The following BROX variants were observed in gnomAD, a reference collection of about 807,000 sequenced individuals.
BROX encodes BRO1 domain-containing protein BROX.
In BROX, 53 loss-of-function variants were observed where a neutral mutation model predicts 61.0. The ratio of observed to expected loss-of-function variants is 0.87; its 90% CI spans 0.70 to 1.09. The LOEUF (loss-of-function observed/expected upper bound fraction) is 1.09. BROX is among the 50% of genes least tolerant of loss of function. The pLI, the probability that BROX is intolerant of heterozygous loss-of-function variation, is 0.00. For synonymous variants in BROX, 152 were observed against 160.2 expected (o/e 0.95, Z 0.38); for missense variants, 489 against 472.0 (o/e 1.04, Z -0.33).
chr1:222,717,332 C>G (rs1402523225), intron 2 of BROX, among the ~76,000 whole-genome samples: 2 of 152,160 alleles, frequency 1.3e-5, no homozygotes. Flanking sequence ...TTTATCTATA[C>G]CATTGGGCAA....
intron 8 of BROX, among the ~76,000 whole-genome samples, chr1:222,727,756 T>G (rs878909209): frequency 6.6e-6 from 1 of 152,170 alleles, no homozygotes; most frequent in African/African-American, 2.4e-5. Context: ...AAGACAAACA[T>G]GTAACCCCGT....
intron 4 of BROX, among the ~76,000 whole-genome samples, chr1:222,720,116 C>G (rs1197162702): frequency 1.3e-5 from 2 of 152,176 alleles, no homozygotes; most frequent in African/African-American, 4.8e-5. Flanking sequence ...TATTTAGATG[C>G]AAGTCCAGGT....
rs199661132 is a variant in BROX, at chr1:222,721,373, CTTT to C, written c.306-1032_306-1030del. On this transcript the variant is annotated intron_variant, in intron 4 of 12. Transcript: ENST00000340934. The stretch of plus-strand genomic sequence containing the variant: ...TTTAATTACTACATATTTTATAACA[CTTT>C]TTTTTTTTTTTTTCATTTAAAAAGT... 2.3e-5 allele frequency among the ~76,000 whole-genome samples: 3 copies of C among 131,554 alleles called. No individual in the cohort carries two copies. The East Asian group carries it at 6.5e-4, about 28-fold the overall frequency. 86.3% of individuals were successfully genotyped at this position (131,554 alleles called of 152,430 possible).
At chr1:222,712,978 A>G in intron 1 of BROX, 36 bp downstream of exon 1, 1 of 1,174,644 alleles carries the variant, frequency 8.5e-7, no homozygotes, top group Non-Finnish European at 1.1e-6. Context: ...TCTCAGTAAT[A>G]TCCCCCGCTA....
chr1:222,730,200 T>C, intron 11 of BROX, 23 bp downstream of exon 11: 1 of 1,369,172 alleles, frequency 7.3e-7, no homozygotes, highest in Non-Finnish European at 1.0e-6. Flanking sequence ...TAATATTACT[T>C]TAGTAATAAT....
chr1:222,719,029 A>G lies in BROX; in HGVS notation c.206A>G (p.Gln69Arg), dbSNP rs1318349302. The change falls in exon 3 of 13, where the codon CAA (glutamine) becomes CGA (arginine). Residue 69 changes from glutamine to arginine, a missense_variant and splice_region_variant. Physicochemically the swap from Gln to Arg is conservative, Grantham distance 43. Transcript: ENST00000340934. Reference protein sequence around the residue: ...NAADSYFSLLQGFINSLDEST... With the variant: ...NAADSYFSLLRGFINSLDEST... ...GCAGATTCATATTTCTCACTTTTAC[A>G]AGGTTAGTTATTTATATGAACTTGA... 1 of 1,607,096 alleles carries G rather than the reference A, an allele frequency of 6.2e-7. No homozygotes were observed. The highest frequency in any genetic ancestry group is 1.1e-5 in the South Asian group (1 of 89,986).
chr1:222,731,724 A>G (rs1463534476), intron 12 of BROX, among the ~76,000 whole-genome samples: 1 of 152,234 alleles, frequency 6.6e-6, no homozygotes, highest in Non-Finnish European at 1.5e-5. Context: ...TTTCTACATA[A>G]TGACATTCTT....
At position 222,722,459 on chromosome 1, in the gene BROX, T is replaced by C; in HGVS notation, c.346T>C (p.Phe116Leu). The C allele has an allele frequency of 6.2e-7, 1 of 1,613,746 alleles. No homozygotes were observed. Among genetic ancestry groups the C allele is most frequent in the Non-Finnish European group, 8.5e-7 (1 of 1,179,760 alleles). The change falls in exon 5 of 13, where the codon TTT (phenylalanine) becomes CTT (leucine). Residue 116 changes from phenylalanine to leucine, a missense_variant. Physicochemically the swap from Phe to Leu is conservative, Grantham distance 22. Transcript: ENST00000340934. Reference sequence around the variant, plus strand: ...TGTTTTTGAATTAATTTCCATGGGATTTAATGTAGCTTTATGGTATACCAA... The same window carrying C: ...TGTTTTTGAATTAATTTCCATGGGACTTAATGTAGCTTTATGGTATACCAA... ...DAVFELISMG[F>L]NVALWYTKYA...
intron 2 of BROX, 112 bp from the exon 3 acceptor site, chr1:222,718,813 G>T: frequency 1.3e-6 from 1 of 773,908 alleles, no homozygotes; most frequent in South Asian, 1.5e-5. Context: ...AACCTGGTGC[G>T]TGTGTGTATG....
At chr1:222,721,165 A>G (rs1213417063) in intron 4 of BROX, among the ~76,000 whole-genome samples, 1 of 152,186 alleles carries the variant, frequency 6.6e-6, no homozygotes, top group Non-Finnish European at 1.5e-5. Context: ...AAAAGTTATA[A>G]ATTAGACATG....
intron 2 of BROX, 104 bp from the exon 3 acceptor site, chr1:222,718,819 GTA>G (rs1026309898): frequency 1.2e-6 from 1 of 829,288 alleles, no homozygotes. Flanking sequence ...GTGCGTGTGT[GTA>G]TGTGTGTGTG....
At chr1:222,713,489 G>T in intron 1 of BROX, 15 of 957,688 alleles carry the variant, frequency 1.6e-5, no homozygotes, top group Non-Finnish European at 1.9e-5. Flanking sequence ...TCTTGTGGAA[G>T]TGTGTTAGCT....
In BROX at chr1:222,718,866, T is replaced by A. The variant is rs911702344; in HGVS notation, c.102-59T>A. 9 of 1,398,416 alleles carry A rather than the reference T, an allele frequency of 6.4e-6. No homozygotes were observed. The African/African-American group carries it at 1.3e-4, about 20-fold the overall frequency. 86.6% of individuals were successfully genotyped at this position (1,398,416 alleles called of 1,614,324 possible). A position where few individuals can be genotyped will look rare whatever the true frequency, so the allele number is the denominator to read the frequency against. ...TTTTACATTGAAACCTGGAAGCCAC[T>A]TTTATGTAGATTGATTGCAGTACAG... is the stretch of plus-strand genomic sequence containing the variant. On this transcript the variant is annotated intron_variant, in intron 2 of 12. Transcript: ENST00000340934.
chr1:222,719,334 G>A lies in BROX; in HGVS notation c.280G>A (p.Asp94Asn). ...ATATATTCAAAATTTCAAGTGGACT[G>A]ATACATTGCAAGGACAGGTTCCAAG... ...LRYIQNFKWT[D>N]TLQGQVPSAQ... Residue 94 changes from aspartate (D) to asparagine (N), a missense_variant, in exon 4 of 13, where the codon GAT becomes AAT. Physicochemically the swap from Asp to Asn is conservative, Grantham distance 23. Coordinates refer to ENST00000340934, the MANE Select transcript of BROX (RefSeq NM_144695.4). 1 of 1,609,508 alleles carries A rather than the reference G, an allele frequency of 6.2e-7. No individual in the cohort carries two copies. The highest frequency in any genetic ancestry group is 1.1e-5 in the South Asian group (1 of 90,924).
rs767861756 is a variant in BROX, at chr1:222,719,341, T to G, written c.287T>G (p.Leu96Trp). 6.2e-7 allele frequency: 1 copy of G among 1,608,288 alleles called. No homozygotes were observed. The highest frequency in any genetic ancestry group is 2.2e-5 in the East Asian group (1 of 44,764). Residue 96 changes from leucine to tryptophan, a missense_variant, in exon 4 of 13, where the codon TTG (leucine) becomes TGG (tryptophan). Leu to Trp is a moderately conservative substitution (Grantham distance 61). Coordinates refer to ENST00000340934, the MANE Select transcript of BROX (RefSeq NM_144695.4). ...CAAAATTTCAAGTGGACTGATACAT[T>G]GCAAGGACAGGTTCCAAGGTAAGCA... Reference protein sequence around the residue: ...YIQNFKWTDTLQGQVPSAQQD... With the variant: ...YIQNFKWTDTWQGQVPSAQQD...
chr1:222,726,245 C>T (rs898885380), intron 7 of BROX, among the ~76,000 whole-genome samples: 10 of 152,252 alleles, frequency 6.6e-5, no homozygotes, highest in East Asian at 3.9e-4. Context: ...TGTAGGCTTT[C>T]GTTTTTCTTT....
chr1:222,728,396 A>C (rs2125036036), intron 8 of BROX, among the ~76,000 whole-genome samples: 1 of 152,288 alleles, frequency 6.6e-6, no homozygotes, highest in East Asian at 1.9e-4. Context: ...TGACTAGACT[A>C]CTATTTGTTT....
At chr1:222,713,510 A>G in intron 1 of BROX, 1 of 907,426 alleles carries the variant, frequency 1.1e-6, no homozygotes, top group Non-Finnish European at 1.3e-6. Context: ...TACAGCTTCG[A>G]TCCGAATGTT....
At chr1:222,729,891 C>A in intron 10 of BROX, 136 bp from the exon 11 acceptor site, 4 of 1,007,432 alleles carry the variant, frequency 4.0e-6, no homozygotes, top group Non-Finnish European at 5.9e-6. Context: ...CTTCTACTTA[C>A]AGTATTATTA....
Sources: allele counts gnomAD v4.1 joint callset (sites outside exome capture counted in the v4.1 genomes callset), GRCh38; gene constraint gnomAD v4.1.1; transcripts MANE v1.5; gene names NCBI Gene and HGNC (gene_info 2026-07-23, HGNC 2026-07-21).